SAG: variants seen among roughly 807,000 people sequenced by gnomAD.
The protein encoded by SAG is S-arrestin.
A neutral mutation model predicts 55.0 loss-of-function variants in SAG; 45 were observed. The ratio of observed to expected loss-of-function variants is 0.82; its 90% CI spans 0.64 to 1.05. SAG has a LOEUF of 1.05. Among genes scored for constraint, SAG ranks in the 50% least tolerant of loss-of-function variants. SAG has a pLI of 0.00. For synonymous variants in SAG, 189 were observed against 197.4 expected (o/e 0.96, Z 0.36); for missense variants, 455 against 512.1 (o/e 0.89, Z 1.08).
chr2:233,317,811 A>G (rs968979001), intron 3 of SAG, among the ~76,000 whole-genome samples: 3 of 152,324 alleles, frequency 2.0e-5, no homozygotes, highest in East Asian at 1.9e-4. Context: ...GTGTGTGTGT[A>G]TATATATACG....
chr2:233,329,257 C>T, intron 8 of SAG: 1 of 485,406 alleles, frequency 2.1e-6, no homozygotes, highest in Non-Finnish European at 3.7e-6. Context: ...CCTCCTGACC[C>T]CTGGCCTCCT....
At chr2:233,322,074 C>G (rs1252964237) in intron 5 of SAG, among the ~76,000 whole-genome samples, 2 of 148,182 alleles carry the variant, frequency 1.3e-5, no homozygotes, top group African/African-American at 5.0e-5. Context: ...ATAGTTCCAG[C>G]TACTTGAGAG....
At chr2:233,334,708 A>T in intron 10 of SAG, 1 of 461,974 alleles carries the variant, frequency 2.2e-6, no homozygotes, top group African/African-American at 1.9e-5. Context: ...TCCATAGAAC[A>T]TTCTAGAAAT....
chr2:233,331,466 A>G (rs1271938311), intron 9 of SAG, 174 bp from the exon 10 acceptor site: 2 of 672,956 alleles, frequency 3.0e-6, no homozygotes, highest in African/African-American at 3.6e-5. Flanking sequence ...TGGCCTGGAG[A>G]CAGGACTTCA....
chr2:233,324,373 A>G (rs72976387), intron 6 of SAG, among the ~76,000 whole-genome samples: 21,528 of 152,102 alleles, frequency 0.14, 1,698 homozygotes, highest in African/African-American at 0.19. Flanking sequence ...CTCTAGCCTG[A>G]GCGATAGAGT....
intron 3 of SAG, among the ~76,000 whole-genome samples, chr2:233,318,152 CT>C (rs763956338): frequency 4.0e-5 from 6 of 151,566 alleles, no homozygotes; most frequent in East Asian, 3.9e-4. Context: ...GCCCTGCTAA[CT>C]TTTTTTCTTT....
intron 5 of SAG, among the ~76,000 whole-genome samples, chr2:233,322,086 C>T (rs1700401496): frequency 6.9e-6 from 1 of 145,950 alleles, no homozygotes; most frequent in Admixed American, 7.1e-5. Context: ...ACTTGAGAGG[C>T]TGAGGCAGGA....
At chr2:233,310,863 C>G (rs192407546) in intron 2 of SAG, among the ~76,000 whole-genome samples, 2 of 152,078 alleles carry the variant, frequency 1.3e-5, no homozygotes, top group Non-Finnish European at 2.9e-5. Flanking sequence ...CCATCCTTAC[C>G]GTGCCACCCA....
chr2:233,321,581 A>G (rs756159475), intron 5 of SAG, among the ~76,000 whole-genome samples: 42 of 152,194 alleles, frequency 2.8e-4, no homozygotes, highest in Non-Finnish European at 5.6e-4. Flanking sequence ...CAGAGACAGA[A>G]TAGAGCTTCC....
At chr2:233,314,992 G>A (rs1179062211) in intron 2 of SAG, among the ~76,000 whole-genome samples, 1 of 152,204 alleles carries the variant, frequency 6.6e-6, no homozygotes, top group East Asian at 1.9e-4. Flanking sequence ...AGACTCTGCA[G>A]TAGATGCTTA....
intron 8 of SAG, chr2:233,329,168 C>T (rs1700668713): frequency 2.7e-6 from 1 of 367,766 alleles, no homozygotes; most frequent in South Asian, 2.4e-5. Context: ...GGCTGTGTTA[C>T]ACGGGCTCTG....
Position 233,313,613 on chromosome 2 carries a change from G to A in SAG, c.76-2462G>A, listed in dbSNP as rs75362365. ...AGGGTTGGAGTACAATGGTACGATC[G>A]TAGCTCACTGCAGCCTCAACCTCCT... On this transcript the variant is annotated intron_variant, in intron 2 of 15. Transcript: ENST00000409110. Among the ~76,000 whole-genome samples the A allele has an allele frequency of 1.4e-3, 205 of 151,574 alleles. 2 individuals are homozygous for A. The highest frequency in any genetic ancestry group is 4.6e-3 in the African/African-American group (188 of 41,310).
chr2:233,313,649 G>A (rs1700136615), intron 2 of SAG, among the ~76,000 whole-genome samples: 1 of 151,042 alleles, frequency 6.6e-6, no homozygotes, highest in Non-Finnish European at 1.5e-5. Flanking sequence ...AGGCTCAAGT[G>A]ATCCTCCTTC....
intron 11 of SAG, 173 bp from the exon 12 acceptor site, chr2:233,338,503 C>CCCATA: frequency 1.6e-6 from 1 of 633,198 alleles, no homozygotes; most frequent in Admixed American, 2.6e-5. Context: ...GCAAGGAGTC[C>CCCATA]CCATACCCAC....
At chr2:233,315,227 T>C (rs930438649) in intron 2 of SAG, among the ~76,000 whole-genome samples, 3 of 147,846 alleles carry the variant, frequency 2.0e-5, no homozygotes, top group Non-Finnish European at 4.5e-5. Flanking sequence ...GTTCACCTGG[T>C]GGGATTTCAG....
chr2:233,346,758 C>G, intron 15 of SAG, 49 bp from the exon 16 acceptor site: 1 of 1,219,588 alleles, frequency 8.2e-7, no homozygotes, highest in Non-Finnish European at 1.2e-6. Context: ...GTTTCAGTTT[C>G]AGCTTCAAAG....
intron 2 of SAG, among the ~76,000 whole-genome samples, chr2:233,313,989 G>T (rs973479890): frequency 6.6e-6 from 1 of 151,980 alleles, no homozygotes; most frequent in Admixed American, 6.6e-5. Flanking sequence ...GAAGGCCGAG[G>T]TGGGTGGATT....
At chr2:233,308,397 T>G in intron 1 of SAG, among the ~76,000 whole-genome samples, 1 of 151,598 alleles carries the variant, frequency 6.6e-6, no homozygotes, top group Admixed American at 6.6e-5. Context: ...AGCCCAGGAG[T>G]TCGAGGCTGC....
intron 14 of SAG, chr2:233,345,076 C>T (rs984994907): frequency 1.3e-5 from 2 of 152,182 alleles, no homozygotes; most frequent in Admixed American, 1.3e-4. Context: ...GTGCTGGCTT[C>T]CAGGTGGGCA....
Sources: gnomAD v4.1 joint callset for allele counts (sites outside exome capture counted in the v4.1 genomes callset) on GRCh38, gnomAD v4.1.1 for gene constraint, MANE v1.5 for transcripts, NCBI Gene and HGNC (gene_info 2026-07-23, HGNC 2026-07-21) for gene names.